CD226: variants seen among roughly 807,000 people sequenced by gnomAD.
CD226 encodes CD226 molecule.
In CD226, 24 loss-of-function variants were observed where a neutral mutation model predicts 34.9. The ratio of observed to expected loss-of-function variants is 0.69; its 90% CI spans 0.50 to 0.97. The LOEUF (loss-of-function observed/expected upper bound fraction) is 0.97, where lower values mean the gene tolerates loss of function less well. Ranked by LOEUF, CD226 falls within the 50% of genes least tolerant of loss-of-function variation. The pLI is 0.00. For missense variants in CD226, 397 were observed against 412.7 expected, an observed-to-expected ratio of 0.96 and a Z score of 0.33; for synonymous variants, 148 against 147.4, an observed-to-expected ratio of 1.00 and a Z score of -0.03.
chr18:69,889,830 C>G (rs1363648943), intron 3 of CD226, among the ~76,000 whole-genome samples: 1 of 152,176 alleles, frequency 6.6e-6, no homozygotes, highest in African/African-American at 2.4e-5. Flanking sequence ...GGAAGATTCT[C>G]TTAGCTGTGG....
At chr18:69,868,803 G>GCGCACACA (rs113731126) in intron 4 of CD226, among the ~76,000 whole-genome samples, 7 of 150,904 alleles carry the variant, frequency 4.6e-5, no homozygotes, top group African/African-American at 9.7e-5. Context: ...GCGCGTGCAC[G>GCGCACACA]CACACACACA....
intron 3 of CD226, among the ~76,000 whole-genome samples, chr18:69,886,501 T>G (rs1314715525): frequency 2.0e-5 from 3 of 152,132 alleles, no homozygotes; most frequent in Non-Finnish European, 4.4e-5. Flanking sequence ...AGGTCAGGAC[T>G]TCGAGACCAG....
upstream of CD226, among the ~76,000 whole-genome samples, chr18:69,958,338 A>T (rs1047206476): frequency 6.6e-6 from 1 of 152,166 alleles, no homozygotes; most frequent in Non-Finnish European, 1.5e-5. Flanking sequence ...AATGACTTCC[A>T]TCTGTAAGGT....
intron 3 of CD226, among the ~76,000 whole-genome samples, chr18:69,881,836 G>T (rs1249489076): frequency 6.6e-6 from 1 of 152,148 alleles, no homozygotes; most frequent in East Asian, 1.9e-4. Flanking sequence ...AGCACAAAGT[G>T]TGTTGAACTT....
At chr18:69,875,427 C>T (rs921001119) in intron 3 of CD226, among the ~76,000 whole-genome samples, 2 of 152,172 alleles carry the variant, frequency 1.3e-5, no homozygotes, top group African/African-American at 4.8e-5. Flanking sequence ...CATGAGCCAC[C>T]GCACCTGGCC....
chr18:69,895,702 C>T lies in CD226; in HGVS notation c.726G>A (p.Glu242=). 4 of 1,608,726 alleles carry T rather than the reference C, an allele frequency of 2.5e-6. No individual in the cohort carries two copies. The highest frequency in any genetic ancestry group is 3.4e-6 in the Non-Finnish European group (4 of 1,175,348). ...ETFVMRLTVA[E]GKTDNQYTLF... ...AGAAGATGTCTGGTGCTCACTCACC[C>T]TCGGCTACAGTCAATCTCATCACGA... The change falls in exon 3 of 6, where the codon GAG becomes GAA. Residue 242 remains glutamate (E), a splice_region_variant and synonymous_variant. Coordinates refer to ENST00000582621, the MANE Select transcript of CD226 (RefSeq NM_001303618.2).
At chr18:69,925,239 C>G (rs1206976894) in intron 2 of CD226, among the ~76,000 whole-genome samples, 1 of 152,138 alleles carries the variant, frequency 6.6e-6, no homozygotes, top group Non-Finnish European at 1.5e-5. Context: ...GAAATTAAAG[C>G]CAGAGAGTCT....
chr18:69,864,211 A>G lies in CD226; in HGVS notation c.*103T>C. ...CTATCAAAGTAACTCAATTCAGACA[A>G]CTAGTATCTAAGGTAGACCTTGGGT... On this transcript the variant is annotated 3_prime_UTR_variant, in exon 6 of 6. Transcript: ENST00000582621. 1.1e-6 allele frequency: 1 copy of G among 943,630 alleles called. No homozygotes were observed. 58.5% of individuals were successfully genotyped at this position (943,630 alleles called of 1,614,324 possible).
chr18:69,955,679 C>T (rs1050041770), intron 1 of CD226, among the ~76,000 whole-genome samples: 11 of 152,050 alleles, frequency 7.2e-5, no homozygotes, highest in African/African-American at 1.7e-4. Context: ...GTGGCTAACA[C>T]GGTGAAACCA....
chr18:69,861,327 A>G lies in CD226; in HGVS notation c.*2987T>C, dbSNP rs1458402002. ...CCTAAAGTTCTTTAAATAAAGTTTGAAGGTATCTCTTATAATAATATAGTC... is the reference window on the plus strand; with the variant it reads ...CCTAAAGTTCTTTAAATAAAGTTTGGAGGTATCTCTTATAATAATATAGTC... On this transcript the variant is annotated 3_prime_UTR_variant, in exon 6 of 6. Coordinates refer to ENST00000582621, the MANE Select transcript of CD226 (RefSeq NM_001303618.2). 6.6e-6 allele frequency: 1 copy of G among 151,328 alleles called. No homozygotes were observed. The highest frequency in any genetic ancestry group is 1.5e-5 in the Non-Finnish European group (1 of 67,740). 9.4% of individuals were successfully genotyped at this position (151,328 alleles called of 1,614,324 possible). A position where few individuals can be genotyped will look rare whatever the true frequency, so the allele number is the denominator to read the frequency against.
At chr18:69,949,245 A>G (rs991546518), upstream of CD226, among the ~76,000 whole-genome samples, 10 of 152,186 alleles carry the variant, frequency 6.6e-5, no homozygotes, top group African/African-American at 1.7e-4. Context: ...TGTGACGTTA[A>G]CACATTCCTG....
intron 2 of CD226, among the ~76,000 whole-genome samples, chr18:69,926,417 T>C (rs2055522299): frequency 6.6e-6 from 1 of 152,100 alleles, no homozygotes; most frequent in Non-Finnish European, 1.5e-5. Flanking sequence ...ACAACAGTCA[T>C]CTTAAGGACT....
intron 2 of CD226, among the ~76,000 whole-genome samples, chr18:69,919,855 TCATCTAC>T (rs2055430065): frequency 6.6e-6 from 1 of 151,988 alleles, no homozygotes; most frequent in African/African-American, 2.4e-5. Context: ...CCTCTTACTT[TCATCTAC>T]TTTTGTTGTC....
Position 69,864,112 on chromosome 18 carries a change from T to G in CD226, c.*202A>C. The stretch of plus-strand genomic sequence containing the variant: ...ATATGATACAGTAAGTTTTCTTTTG[T>G]ATATAAACCAGTTAGAGTCAGGTTT... On this transcript the variant is annotated 3_prime_UTR_variant, in exon 6 of 6. Transcript: ENST00000582621. The G allele has an allele frequency of 1.9e-6, 1 of 539,924 alleles. No individual in the cohort carries two copies. Among genetic ancestry groups the G allele is most frequent in the South Asian group, 2.4e-5 (1 of 41,782 alleles). 33.4% of individuals were successfully genotyped at this position (539,924 alleles called of 1,614,324 possible).
intron 2 of CD226, among the ~76,000 whole-genome samples, chr18:69,906,008 G>C (rs1054663420): frequency 5.3e-5 from 8 of 152,182 alleles, no homozygotes; most frequent in African/African-American, 1.9e-4. Context: ...ATCTACTCCA[G>C]GTTCAATTTC....
chr18:69,930,480 T>C (rs915020520), intron 2 of CD226, among the ~76,000 whole-genome samples: 4 of 151,874 alleles, frequency 2.6e-5, no homozygotes, highest in Non-Finnish European at 4.4e-5. Flanking sequence ...ACTAGAGACA[T>C]AGGGACGTGG....
intron 4 of CD226, among the ~76,000 whole-genome samples, chr18:69,867,850 G>A (rs114440873): frequency 0.013 from 2,047 of 152,194 alleles, 43 homozygotes; most frequent in African/African-American, 0.045. Context: ...TAAATCACTC[G>A]TATGGATTAT....
At chr18:69,936,788 A>G (rs2145345494) in intron 2 of CD226, among the ~76,000 whole-genome samples, 1 of 152,344 alleles carries the variant, frequency 6.6e-6, no homozygotes, top group South Asian at 2.1e-4. Flanking sequence ...AAGAAAATTA[A>G]AAGTGATAGA....
At chr18:69,953,499 T>A (rs2055871101) in intron 1 of CD226, among the ~76,000 whole-genome samples, 2 of 152,244 alleles carry the variant, frequency 1.3e-5, no homozygotes, top group South Asian at 4.1e-4. Context: ...TCCATTTATA[T>A]GAAATATCCA....
Sources: gnomAD v4.1 joint callset for allele counts (sites outside exome capture counted in the v4.1 genomes callset) on GRCh38, gnomAD v4.1.1 for gene constraint, MANE v1.5 for transcripts, NCBI Gene and HGNC (gene_info 2026-07-23, HGNC 2026-07-21) for gene names.